The following SNX2 variants were observed in gnomAD, a reference collection of about 807,000 sequenced individuals.
The protein encoded by SNX2 is sorting nexin-2.
Under a neutral mutation model 69.9 loss-of-function variants are expected in SNX2, and 25 were observed. That is an observed-to-expected ratio of 0.36 (90% CI 0.26 to 0.50). SNX2 has a LOEUF of 0.50. Among genes scored for constraint, SNX2 ranks in the 20% least tolerant of loss-of-function variants. The probability of loss-of-function intolerance (pLI) is 0.97; values close to 1 mark genes in which losing one functional copy is unlikely to be tolerated. For synonymous variants in SNX2, 229 were observed against 200.4 expected (o/e 1.14, Z -1.20); for missense variants, 551 against 613.3 (o/e 0.90, Z 1.07).
chr5:122,802,376 A>T, intron 5 of SNX2, among the ~76,000 whole-genome samples: 2 of 152,022 alleles, frequency 1.3e-5, no homozygotes, highest in Admixed American at 1.3e-4. Context: ...GATGGGGAGG[A>T]GGGGGGGAAG....
chr5:122,781,439 G>A (rs1448330359), intron 1 of SNX2, among the ~76,000 whole-genome samples: 5 of 152,140 alleles, frequency 3.3e-5, no homozygotes, highest in African/African-American at 9.7e-5. Context: ...TTTCCAGTTT[G>A]GGGTATTTAT....
chr5:122,791,119 A>ATTT lies in SNX2; in HGVS notation c.109-4127_109-4125dup, dbSNP rs71623268. Among the ~76,000 whole-genome samples the ATTT allele has an allele frequency of 9.6e-4, 126 of 131,640 alleles. 2 individuals are homozygous for ATTT. Among genetic ancestry groups the ATTT allele is most frequent in the Admixed American group, 2.5e-3 (32 of 12,846 alleles). The allele number at this position is 131,640 out of a possible 152,430, so 86.4% of individuals were successfully genotyped here. ...GGTGGATGCACTATAGGCTATTTCAATTTTTTTTTTTTTTTTTTTTTTGAG... is the reference window on the plus strand; with the variant it reads ...GGTGGATGCACTATAGGCTATTTCAATTTTTTTTTTTTTTTTTTTTTTTTTGAG... On this transcript the variant is annotated intron_variant, in intron 1 of 14. Transcript: ENST00000379516.
intron 12 of SNX2, chr5:122,826,672 A>G (rs1754157782): frequency 1.0e-6 from 1 of 970,612 alleles, no homozygotes; most frequent in Non-Finnish European, 1.2e-6. Flanking sequence ...TTATGTTACT[A>G]AAAATAAATG....
In SNX2 at chr5:122,829,883, AAT is replaced by A; in HGVS notation, c.*237_*238del. 2 of 546,282 alleles carry A rather than the reference AAT, an allele frequency of 3.7e-6. No individual in the cohort carries two copies. Among genetic ancestry groups the A allele is most frequent in the Non-Finnish European group, 6.6e-6 (2 of 303,060 alleles). 33.8% of individuals were successfully genotyped at this position (546,282 alleles called of 1,614,324 possible). On this transcript the variant is annotated 3_prime_UTR_variant, in exon 15 of 15. Transcript: ENST00000379516. The stretch of plus-strand genomic sequence containing the variant: ...AGTGGACTGTGGCATGACATTCTGC[AAT>A]ACTTTGCTGAATTGAACACTATTGT...
intron 1 of SNX2, among the ~76,000 whole-genome samples, chr5:122,790,516 C>T (rs1327271611): frequency 6.6e-6 from 1 of 152,172 alleles, no homozygotes; most frequent in Non-Finnish European, 1.5e-5. Context: ...CAGCATCTGA[C>T]AACCCATTTT....
chr5:122,779,413 A>AT (rs1476139844), intron 1 of SNX2, among the ~76,000 whole-genome samples: 3 of 152,202 alleles, frequency 2.0e-5, no homozygotes, highest in Admixed American at 2.0e-4. Context: ...AATGGATCGT[A>AT]TAATACATGG....
chr5:122,819,661 C>T (rs1320878866), intron 11 of SNX2, among the ~76,000 whole-genome samples: 1 of 152,120 alleles, frequency 6.6e-6, no homozygotes, highest in Non-Finnish European at 1.5e-5. Flanking sequence ...TGAACGTTAC[C>T]CAGTGTATCA....
Position 122,799,868 on chromosome 5 carries a change from G to T in SNX2, c.390+13G>T. 1.3e-6 allele frequency: 2 copies of T among 1,595,518 alleles called. No individual in the cohort carries two copies. The highest frequency in any genetic ancestry group is 1.7e-5 in the Admixed American group (1 of 58,672). ...ATCCAGGGAAGAGGTACAGGAAAAT[G>T]TATTCTAAATTAATATGTAAATATA... On this transcript the variant is annotated intron_variant, in intron 3 of 14. Transcript: ENST00000379516.
At chr5:122,796,063 T>C (rs551362396) in intron 2 of SNX2, among the ~76,000 whole-genome samples, 11 of 152,340 alleles carry the variant, frequency 7.2e-5, no homozygotes, top group Admixed American at 2.6e-4. Context: ...CTGGCTTTCA[T>C]TGAGTTAAAA....
At position 122,795,345 on chromosome 5, in the gene SNX2, A is replaced by T. The variant is rs753705736; in HGVS notation, c.188A>T (p.Glu63Val). The T allele has an allele frequency of 6.2e-7, 1 of 1,613,670 alleles. No individual in the cohort carries two copies. The highest frequency in any genetic ancestry group is 8.5e-7 in the Non-Finnish European group (1 of 1,179,632). Residue 63 changes from glutamate (E) to valine (V), a missense_variant, in exon 2 of 15, where the codon GAA becomes GTA. By Grantham distance (121) the Glu-to-Val change is moderately radical (BLOSUM62 -2). This residue lies in a region of SNX2 where 191 missense variants were observed against 162.9 expected (regional missense o/e 1.17). Transcript: ENST00000379516. Reference sequence around the variant, plus strand: ...AACTCCAATGGCCCAAAACCCACAGAAGTTGTATTAGATGATGACAGAGAA... The same window carrying T: ...AACTCCAATGGCCCAAAACCCACAGTAGTTGTATTAGATGATGACAGAGAA... ...SANSNGPKPTEVVLDDDREDL... is the reference protein window; with the variant it reads ...SANSNGPKPTVVVLDDDREDL...
intron 1 of SNX2, among the ~76,000 whole-genome samples, chr5:122,787,526 A>G (rs914432622): frequency 1.3e-5 from 2 of 152,066 alleles, no homozygotes; most frequent in African/African-American, 4.8e-5. Context: ...CCCCCCCAAA[A>G]AAAAAAGAAA....
chr5:122,816,919 C>T lies in SNX2; in HGVS notation c.803C>T (p.Pro268Leu). 1.9e-6 allele frequency: 3 copies of T among 1,604,644 alleles called. No homozygotes were observed. The highest frequency in any genetic ancestry group is 2.6e-6 in the Non-Finnish European group (3 of 1,171,944). ...TTATTTGTCATTCAATTCCAGCTGC[C>T]TAGAGCAGTTAATACACAGGCTCTG... The part of the protein sequence containing the change: ...LRQFLESSEL[P>L]RAVNTQALSG... Residue 268 changes from proline (P) to leucine (L), a missense_variant, in exon 9 of 15, where the codon CCT becomes CTT. By Grantham distance (98) the Pro-to-Leu change is moderately conservative (BLOSUM62 -3). Coordinates refer to ENST00000379516, the MANE Select transcript of SNX2 (RefSeq NM_003100.4).
At chr5:122,810,760 A>G (rs1753755956) in intron 7 of SNX2, among the ~76,000 whole-genome samples, 1 of 152,196 alleles carries the variant, frequency 6.6e-6, no homozygotes, top group Non-Finnish European at 1.5e-5. Context: ...GTTAAATGGT[A>G]CCATAGTGGA....
chr5:122,790,905 G>A (rs1468493475), intron 1 of SNX2, among the ~76,000 whole-genome samples: 1 of 152,158 alleles, frequency 6.6e-6, no homozygotes, highest in Non-Finnish European at 1.5e-5. Flanking sequence ...ATGTTGAAAA[G>A]AAGTGGTAAA....
At chr5:122,813,572 TAATA>T (rs1265581566) in intron 7 of SNX2, among the ~76,000 whole-genome samples, 2 of 152,032 alleles carry the variant, frequency 1.3e-5, no homozygotes, top group South Asian at 2.1e-4. Context: ...TCACAACACT[TAATA>T]AAATGCTGTT....
chr5:122,829,697 G>C lies in SNX2; in HGVS notation c.*49G>C, dbSNP rs773474848. On this transcript the variant is annotated 3_prime_UTR_variant, in exon 15 of 15. Transcript: ENST00000379516. ...AGACCTTGGATGTTGTTCCAGTTAT[G>C]CTGGATTCCACAGTGAAATCATTTA... The C allele has an allele frequency of 6.9e-7, 1 of 1,447,504 alleles. No homozygotes were observed. Among genetic ancestry groups the C allele is most frequent in the South Asian group, 1.1e-5 (1 of 87,462 alleles). The allele number at this position is 1,447,504 out of a possible 1,614,324, so 89.7% of individuals were successfully genotyped here.
intron 1 of SNX2, chr5:122,775,596 T>A: frequency 1.0e-6 from 1 of 991,742 alleles, no homozygotes; most frequent in African/African-American, 1.7e-5. Context: ...GTGCTCGCTT[T>A]TCCTTTCCAG....
At chr5:122,818,640 C>T (rs998394893) in intron 10 of SNX2, among the ~76,000 whole-genome samples, 178 bp from the exon 11 acceptor site, 5 of 152,190 alleles carry the variant, frequency 3.3e-5, no homozygotes, top group Non-Finnish European at 7.4e-5. Context: ...GATCTCCGAG[C>T]ACTTGGCATT....
intron 1 of SNX2, among the ~76,000 whole-genome samples, chr5:122,794,763 T>C (rs1283841974): frequency 6.6e-6 from 1 of 152,198 alleles, no homozygotes; most frequent in Non-Finnish European, 1.5e-5. Context: ...GGCACACACC[T>C]GTAATCCCAG....
Sources: gnomAD v4.1 joint callset for allele counts (sites outside exome capture counted in the v4.1 genomes callset) on GRCh38, gnomAD v4.1.1 for gene constraint, gnomAD v4.1.1 regional missense constraint, MANE v1.5 for transcripts, NCBI Gene and HGNC (gene_info 2026-07-23, HGNC 2026-07-21) for gene names.